SETD1B: variants seen among roughly 807,000 people sequenced by gnomAD.
SETD1B encodes the protein SET domain containing 1B, histone lysine methyltransferase, also known as histone-lysine N-methyltransferase SETD1B.
In SETD1B, 7 loss-of-function variants were observed where a neutral mutation model predicts 148.0. That is an observed-to-expected ratio of 0.05 (90% confidence interval 0.03 to 0.09). The LOEUF (loss-of-function observed/expected upper bound fraction) is 0.09, where lower values mean the gene tolerates loss of function less well. Among genes scored for constraint, SETD1B ranks in the 10% least tolerant of loss-of-function variants. The pLI is 1.00. For synonymous variants in SETD1B, 1,361 were observed against 1,186.5 expected (o/e 1.15, Z -3.02); for missense variants, 2,155 against 2,729.9 (o/e 0.79, Z 4.69).
intron 16 of SETD1B, among the ~76,000 whole-genome samples, chr12:121,828,388 A>T (rs115098366): frequency 6.6e-6 from 1 of 152,176 alleles, no homozygotes; most frequent in African/African-American, 2.4e-5. Flanking sequence ...CCGTGCCTTC[A>T]TTGGTCAGGC....
At chr12:121,809,551 T>G in intron 5 of SETD1B, 52 bp from the exon 6 acceptor site, 2 of 1,487,504 alleles carry the variant, frequency 1.3e-6, no homozygotes, top group Non-Finnish European at 1.8e-6. Flanking sequence ...AAAATAGCCC[T>G]GTTCCATTGC....
rs1182788404 is a variant in SETD1B, at chr12:121,823,282, G to A, written c.4703G>A (p.Arg1568Gln). Residue 1568 changes from arginine (R) to glutamine (Q), a missense_variant, in exon 12 of 17, where the codon CGG becomes CAG. Physicochemically the swap from Arg to Gln is conservative, Grantham distance 43. This residue lies in a region of SETD1B where 862 missense variants were observed against 873.8 expected (regional missense o/e 0.99). Transcript: ENST00000604567. ...GTCTTCCCCAGCACCCATGACCCCC[G>A]GACGGTGACCCTGGACTTCCGGAAC... is the stretch of plus-strand genomic sequence containing the variant. ...TPVFPSTHDP[R>Q]TVTLDFRNAG... 161 of 1,549,304 alleles carry A rather than the reference G, an allele frequency of 1.0e-4. 1 individual carries two copies. The highest frequency in any genetic ancestry group is 1.7e-4 in the Middle Eastern group (1 of 6,000).
At chr12:121,816,950 G>C in intron 7 of SETD1B, 83 bp from the exon 8 acceptor site, 1 of 1,287,884 alleles carries the variant, frequency 7.8e-7, no homozygotes, top group Non-Finnish European at 1.0e-6. Context: ...CTGCCGAGTG[G>C]AAGGCAGGTA....
At position 121,810,796 on chromosome 12, in the gene SETD1B, G is replaced by T. The variant is rs747537518; in HGVS notation, c.1851G>T (p.Leu617=). The T allele has an allele frequency of 6.5e-7, 1 of 1,531,874 alleles. No homozygotes were observed. The highest frequency in any genetic ancestry group is 1.4e-5 in the African/African-American group (1 of 72,450). The allele number at this position is 1,531,874 out of a possible 1,614,324, so 94.9% of individuals were successfully genotyped here. Residue 617 remains leucine, a synonymous_variant, in exon 6 of 17, where the codon CTG becomes CTT. Transcript: ENST00000604567. This position sits in a 1 kb window ranked among gnomAD's most constrained non-coding sequence, Gnocchi z 7.6. ...AGACAGCTGAGGTGGCCTTGGACCT[G>T]GTTGGAGACAGAACCCCGACCTCAG... ...LSQTAEVALD[L]VGDRTPTSEK...
At chr12:121,803,110 G>A (rs1005031875), upstream of SETD1B, 3 of 151,946 alleles carry the variant, frequency 2.0e-5, no homozygotes, top group Non-Finnish European at 2.9e-5. This position sits in a 1 kb window ranked among gnomAD's most constrained non-coding sequence, Gnocchi z 4.7. Flanking sequence ...CCGAGCCCCG[G>A]CGAGGCGGCT....
chr12:121,812,097 A>C (rs974599263), intron 6 of SETD1B, among the ~76,000 whole-genome samples: 2 of 151,954 alleles, frequency 1.3e-5, no homozygotes, highest in Non-Finnish European at 2.9e-5. Context: ...CCCGGCCGCC[A>C]GCGCAGGGAG....
chr12:121,805,317 C>T lies in SETD1B; in HGVS notation c.273+101C>T. 1 of 1,020,610 alleles carries T rather than the reference C, an allele frequency of 9.8e-7. No individual in the cohort carries two copies. The highest frequency in any genetic ancestry group is 1.5e-6 in the Non-Finnish European group (1 of 684,964). 63.2% of individuals were successfully genotyped at this position (1,020,610 alleles called of 1,614,324 possible). A position where few individuals can be genotyped will look rare whatever the true frequency, so the allele number is the denominator to read the frequency against. On this transcript the variant is annotated intron_variant, in intron 3 of 16. Transcript: ENST00000604567. This position sits in a 1 kb window ranked among gnomAD's most constrained non-coding sequence, Gnocchi z 4.2. ...GCCCAGCCGGATTCCCAGTTCCCGC[C>T]GTCCGGGGCCAGGGAAGTTTTGGCG...
At chr12:121,807,948 G>C (rs1444031034) in intron 4 of SETD1B, among the ~76,000 whole-genome samples, 1 of 152,108 alleles carries the variant, frequency 6.6e-6, no homozygotes, top group Non-Finnish European at 1.5e-5. Context: ...CTGGGTTTGG[G>C]TTTGGGGGAG....
Position 121,814,446 on chromosome 12 carries a change from C to T in SETD1B, c.2231C>T (p.Pro744Leu), listed in dbSNP as rs1198689759. ...GTCCCGCCCCCACCCATCCTGCCACCACTGCCCCCCTTTCCGCCGGGCCTG... is the reference window on the plus strand; with the variant it reads ...GTCCCGCCCCCACCCATCCTGCCACTACTGCCCCCCTTTCCGCCGGGCCTG... Reference protein sequence around the residue: ...PGVPPPPILPPLPPFPPGLFP... With the variant: ...PGVPPPPILPLLPPFPPGLFP... The change falls in exon 7 of 17, where the codon CCA (proline) becomes CTA (leucine). Residue 744 changes from proline (P) to leucine (L), a missense_variant. Physicochemically the swap from Pro to Leu is moderately conservative, Grantham distance 98 (BLOSUM62 -3). This residue lies in a region of SETD1B where 295 missense variants were observed against 303.8 expected (regional missense o/e 0.97). Coordinates refer to ENST00000604567, the MANE Select transcript of SETD1B (RefSeq NM_001353345.2). The T allele has an allele frequency of 1.8e-5, 26 of 1,445,456 alleles. No individual in the cohort carries two copies. Among genetic ancestry groups the T allele is most frequent in the Admixed American group, 5.7e-5 (2 of 35,110 alleles). 89.5% of individuals were successfully genotyped at this position (1,445,456 alleles called of 1,614,324 possible).
chr12:121,810,921 G>A lies in SETD1B; in HGVS notation c.1890+86G>A. 2.8e-6 allele frequency: 4 copies of A among 1,414,114 alleles called. No homozygotes were observed. The highest frequency in any genetic ancestry group is 3.7e-6 in the Non-Finnish European group (4 of 1,070,792). The allele number at this position is 1,414,114 out of a possible 1,614,324, so 87.6% of individuals were successfully genotyped here. On this transcript the variant is annotated intron_variant, in intron 6 of 16. Coordinates refer to ENST00000604567, the MANE Select transcript of SETD1B (RefSeq NM_001353345.2). The surrounding 1 kb of genome is among the most constrained non-coding windows in gnomAD (Gnocchi z 7.6). ...CCCCTTCAAGCATTTAGCATGACTA[G>A]CTAAGATGCGGAAGCAATGGGGCTA...
Position 121,817,303 on chromosome 12 carries a change from T to C in SETD1B, c.2977+9T>C, listed in dbSNP as rs1794067944. 1.3e-6 allele frequency: 2 copies of C among 1,548,820 alleles called. No individual in the cohort carries two copies. The highest frequency in any genetic ancestry group is 1.7e-6 in the Non-Finnish European group (2 of 1,145,606). On this transcript the variant is annotated intron_variant, in intron 8 of 16. Transcript: ENST00000604567. This position sits in a 1 kb window ranked among gnomAD's most constrained non-coding sequence, Gnocchi z 8.1. ...GGATGAGGAAGATGAAGGTTCGTGCTCTGGGTGCTGGGGTCCCCTTCTTCC... is the reference window on the plus strand; with the variant it reads ...GGATGAGGAAGATGAAGGTTCGTGCCCTGGGTGCTGGGGTCCCCTTCTTCC...
chr12:121,830,122 C>T lies in SETD1B; in HGVS notation c.5784C>T (p.Tyr1928=), dbSNP rs1464226756. The T allele has an allele frequency of 2.6e-6, 4 of 1,551,506 alleles. No individual in the cohort carries two copies. Among genetic ancestry groups the T allele is most frequent in the Non-Finnish European group, 2.6e-6 (3 of 1,146,852 alleles). ...AGTCACAGAAGAAGATAGTCATCTA[C>T]TCGAAGCAGCACATTAACGTCAATG... ...TVESQKKIVI[Y]SKQHINVNEE... is the part of the protein sequence containing the mutation. Residue 1928 remains tyrosine, a synonymous_variant, in exon 17 of 17, where the codon TAC becomes TAT. Coordinates refer to ENST00000604567, the MANE Select transcript of SETD1B (RefSeq NM_001353345.2). This position sits in a 1 kb window ranked among gnomAD's most constrained non-coding sequence, Gnocchi z 5.7.
Position 121,828,006 on chromosome 12 carries a change from A to G in SETD1B, c.5663A>G (p.His1888Arg), listed in dbSNP as rs1331985214. The change falls in exon 16 of 17, where the codon CAT (histidine) becomes CGT (arginine). Residue 1888 changes from histidine (H) to arginine (R), a missense_variant. His to Arg is a conservative substitution (Grantham distance 29, BLOSUM62 0). Coordinates refer to ENST00000604567, the MANE Select transcript of SETD1B (RefSeq NM_001353345.2). ...IGSSYMFRVD[H>R]DTIIDATKCG... ...AGCAGCTACATGTTCCGGGTGGACCATGACACCATCATCGACGCCACCAAG... is the reference window on the plus strand; with the variant it reads ...AGCAGCTACATGTTCCGGGTGGACCGTGACACCATCATCGACGCCACCAAG... 6.4e-7 allele frequency: 1 copy of G among 1,552,198 alleles called. No homozygotes were observed. The highest frequency in any genetic ancestry group is 8.7e-7 in the Non-Finnish European group (1 of 1,147,166).
chr12:121,814,278 C>T lies in SETD1B; in HGVS notation c.2063C>T (p.Pro688Leu), dbSNP rs1375248057. The T allele has an allele frequency of 8.1e-6, 9 of 1,107,882 alleles. No homozygotes were observed. The highest frequency in any genetic ancestry group is 9.6e-6 in the Non-Finnish European group (8 of 835,378). The allele number at this position is 1,107,882 out of a possible 1,614,324, so 68.6% of individuals were successfully genotyped here. ...TLPLPPPPGF[P>L]PLPPPPPPPP... ...CCGCTGCCCCCGCCACCTGGCTTCC[C>T]CCCGCTGCCCCCCCCACCACCACCA... The change falls in exon 7 of 17, where the codon CCC becomes CTC. Residue 688 changes from proline (P) to leucine (L), a missense_variant. Around this residue, in one of 11 missense-constraint regions of SETD1B, gnomAD observed 295 missense variants for 303.8 expected, o/e 0.97. Coordinates refer to ENST00000604567, the MANE Select transcript of SETD1B (RefSeq NM_001353345.2).
In SETD1B at chr12:121,805,879, A is replaced by G. The variant is rs956031672; in HGVS notation, c.318A>G (p.Thr106=). The G allele has an allele frequency of 1.9e-6, 3 of 1,551,252 alleles. No individual in the cohort carries two copies. The highest frequency in any genetic ancestry group is 2.7e-5 in the African/African-American group (2 of 72,900). ...GCCCGGTGCCTCCGAAGCAGGTGAC[A>G]TTTGCCAAGCTGAATGATAACATCC... ...YVGPVPPKQV[T]FAKLNDNIRE... is the part of the protein sequence containing the mutation. Residue 106 remains threonine (T), a synonymous_variant, in exon 4 of 17, where the codon ACA becomes ACG. Coordinates refer to ENST00000604567, the MANE Select transcript of SETD1B (RefSeq NM_001353345.2). This position sits in a 1 kb window ranked among gnomAD's most constrained non-coding sequence, Gnocchi z 4.2.
chr12:121,795,589 G>C, the SETD1B span: 114,119 of 152,228 alleles, frequency 0.75, 43,927 homozygotes, highest in East Asian at 0.95. Context: ...CCACAGGAGT[G>C]GGGGACAGAA....
chr12:121,823,511 G>A lies in SETD1B; in HGVS notation c.4932G>A (p.Arg1644=). 6.4e-7 allele frequency: 1 copy of A among 1,550,786 alleles called. No individual in the cohort carries two copies. Among genetic ancestry groups the A allele is most frequent in the Non-Finnish European group, 8.7e-7 (1 of 1,146,870 alleles). The stretch of plus-strand genomic sequence containing the variant: ...CCAAGAGCCGGGGGCCGTGGCGCCG[G>A]CCACCTAAGAAGCGCCATGAGGACC... ...ELAKSRGPWR[R]PPKKRHEDLV... Residue 1644 remains arginine, a synonymous_variant, in exon 12 of 17, where the codon CGG becomes CGA. Coordinates refer to ENST00000604567, the MANE Select transcript of SETD1B (RefSeq NM_001353345.2).
the SETD1B span, chr12:121,793,548 C>T: frequency 6.5e-7 from 1 of 1,547,256 alleles, no homozygotes; most frequent in East Asian, 2.4e-5. Flanking sequence ...CTTGCCGCAG[C>T]CGCCGTCGCC....
In SETD1B at chr12:121,810,870, T is replaced by A; in HGVS notation, c.1890+35T>A. ...TGTCTGTCCATCTGTCTGGGACTGG[T>A]TTTGTCTATCTTGTATCTCCCTTTC... On this transcript the variant is annotated intron_variant, in intron 6 of 16. Transcript: ENST00000604567. This position sits in a 1 kb window ranked among gnomAD's most constrained non-coding sequence, Gnocchi z 7.6. The A allele has an allele frequency of 6.9e-7, 1 of 1,456,466 alleles. No homozygotes were observed. The highest frequency in any genetic ancestry group is 9.1e-7 in the Non-Finnish European group (1 of 1,099,116). The allele number at this position is 1,456,466 out of a possible 1,614,324, so 90.2% of individuals were successfully genotyped here.
Sources: gnomAD v4.1 joint callset for allele counts (sites outside exome capture counted in the v4.1 genomes callset) on GRCh38, gnomAD v4.1.1 for gene constraint, gnomAD v4.1.1 regional missense constraint, Gnocchi (gnomAD v3.1) non-coding constraint, MANE v1.5 for transcripts, NCBI Gene and HGNC (gene_info 2026-07-23, HGNC 2026-07-21) for gene names.